ZCWPW2: variants seen among roughly 807,000 people sequenced by gnomAD.
ZCWPW2 encodes the protein zinc finger CW-type PWWP domain protein 2.
A neutral mutation model predicts 46.6 loss-of-function variants in ZCWPW2; 45 were observed. The observed-to-expected ratio is 0.96, with a 90% CI of 0.76 to 1.24. ZCWPW2 has a LOEUF of 1.24. ZCWPW2 is among the 50% of genes most tolerant of loss of function. ZCWPW2 has a pLI of 0.00. For missense variants in ZCWPW2, 429 were observed against 403.9 expected (o/e 1.06, Z -0.53); for synonymous variants, 152 against 137.1 (o/e 1.11, Z -0.76).
At chr3:28,395,687 T>C (rs1487901905) in intron 2 of ZCWPW2, among the ~76,000 whole-genome samples, 1 of 152,112 alleles carries the variant, frequency 6.6e-6, no homozygotes, top group East Asian at 1.9e-4. Context: ...CCAATTATAT[T>C]TAGAATTTGA....
chr3:28,372,956 C>A (rs1270868056), intron 1 of ZCWPW2, among the ~76,000 whole-genome samples: 1 of 152,132 alleles, frequency 6.6e-6, no homozygotes, highest in African/African-American at 2.4e-5. Flanking sequence ...TGATTGCATT[C>A]ATTTTTTCTG....
At position 28,504,983 on chromosome 3, in the gene ZCWPW2, ATAAAT is replaced by A. The variant is rs1288658878; in HGVS notation, c.658-9075_658-9071del. On this transcript the variant is annotated intron_variant, in intron 6 of 9. Coordinates refer to ENST00000383768, the MANE Select transcript of ZCWPW2 (RefSeq NM_001040432.4). ...ATATATAGTCAAAGACCGCTAAAAA[ATAAAT>A]TAAATGTAAGGCTTTAAAAATTATT... 4.6e-5 allele frequency among the ~76,000 whole-genome samples: 7 copies of A among 152,332 alleles called. No homozygotes were observed. The East Asian group carries it at 1.3e-3, about 29-fold the overall frequency.
intron 1 of ZCWPW2, among the ~76,000 whole-genome samples, chr3:28,360,934 A>G (rs1390804956): frequency 6.6e-6 from 1 of 152,192 alleles, no homozygotes; most frequent in Non-Finnish European, 1.5e-5. Context: ...TAAAGGGCCC[A>G]GGAAAGTTAT....
chr3:28,502,735 T>C (rs2125825701), intron 6 of ZCWPW2, among the ~76,000 whole-genome samples: 1 of 152,260 alleles, frequency 6.6e-6, no homozygotes, highest in African/African-American at 2.4e-5. Context: ...CTGCTTATTG[T>C]CGCTAGGGTT....
intron 6 of ZCWPW2, among the ~76,000 whole-genome samples, chr3:28,492,975 G>C (rs1262351966): frequency 6.6e-6 from 1 of 151,852 alleles, no homozygotes; most frequent in Non-Finnish European, 1.5e-5. Context: ...ATCTATAGAT[G>C]ATTAGGCAAA....
intron 6 of ZCWPW2, among the ~76,000 whole-genome samples, chr3:28,501,491 C>T (rs547775047): frequency 4.6e-5 from 7 of 152,110 alleles, no homozygotes; most frequent in African/African-American, 9.7e-5. Context: ...TCCACAACGA[C>T]GACCTCCTAT....
At chr3:28,387,026 T>C (rs1438439469) in intron 1 of ZCWPW2, among the ~76,000 whole-genome samples, 1 of 152,218 alleles carries the variant, frequency 6.6e-6, no homozygotes, top group Non-Finnish European at 1.5e-5. Flanking sequence ...CCGAAGGTCC[T>C]GTTTTCCCCC....
chr3:28,356,896 C>G (rs907001783), intron 1 of ZCWPW2, among the ~76,000 whole-genome samples: 1 of 151,784 alleles, frequency 6.6e-6, no homozygotes, highest in African/African-American at 2.4e-5. Context: ...GGAGATATAC[C>G]TAATATAAAT....
intron 2 of ZCWPW2, among the ~76,000 whole-genome samples, chr3:28,395,353 C>T (rs1392589780): frequency 6.6e-6 from 1 of 152,020 alleles, no homozygotes; most frequent in East Asian, 1.9e-4. Flanking sequence ...TATGGAGTTT[C>T]CCCAAAAAGT....
At chr3:28,382,711 T>C (rs1695147881) in intron 1 of ZCWPW2, among the ~76,000 whole-genome samples, 1 of 152,184 alleles carries the variant, frequency 6.6e-6, no homozygotes, top group African/African-American at 2.4e-5. Context: ...TTTAAGATAC[T>C]GAGTCTTTGA....
chr3:28,462,114 C>T (rs1363095689), intron 4 of ZCWPW2, among the ~76,000 whole-genome samples: 2 of 151,990 alleles, frequency 1.3e-5, no homozygotes, highest in Non-Finnish European at 2.9e-5. Flanking sequence ...GATCTGAGTT[C>T]CTTGAGGGTG....
chr3:28,390,197 T>A (rs544824171), intron 1 of ZCWPW2, among the ~76,000 whole-genome samples: 1 of 152,282 alleles, frequency 6.6e-6, no homozygotes, highest in East Asian at 1.9e-4. Flanking sequence ...AGAGTAAAAG[T>A]GCGGATGTGA....
intron 3 of ZCWPW2, among the ~76,000 whole-genome samples, chr3:28,416,974 T>G (rs1575110425): frequency 1.3e-5 from 2 of 150,614 alleles, no homozygotes; most frequent in East Asian, 3.9e-4. Flanking sequence ...GGTCTAAAAT[T>G]CTCTTTTTTT....
rs568558212 is a variant in ZCWPW2, at chr3:28,382,590, C to G, written c.-133-7908C>G. 2.6e-5 allele frequency among the ~76,000 whole-genome samples: 4 copies of G among 152,270 alleles called. No individual in the cohort carries two copies. The East Asian group carries it at 5.8e-4, about 22-fold the overall frequency. On this transcript the variant is annotated intron_variant, in intron 1 of 9. Transcript: ENST00000383768. ...TTCTTGCTTTTGTTTTGAATACTTA[C>G]TATTGTGCCAAAGACAATTTATAGA... is the stretch of plus-strand genomic sequence containing the variant.
At chr3:28,388,400 G>A (rs933264662) in intron 1 of ZCWPW2, among the ~76,000 whole-genome samples, 1 of 152,104 alleles carries the variant, frequency 6.6e-6, no homozygotes, top group African/African-American at 2.4e-5. Flanking sequence ...ACTCTAACAA[G>A]ATCGTACTTT....
At chr3:28,386,602 C>G (rs1695282264) in intron 1 of ZCWPW2, among the ~76,000 whole-genome samples, 1 of 151,940 alleles carries the variant, frequency 6.6e-6, no homozygotes, top group East Asian at 1.9e-4. Flanking sequence ...ATTTTGATAG[C>G]CTATCCATTT....
At chr3:28,482,926 C>T (rs1251049447) in intron 5 of ZCWPW2, among the ~76,000 whole-genome samples, 1 of 152,130 alleles carries the variant, frequency 6.6e-6, no homozygotes, top group African/African-American at 2.4e-5. Flanking sequence ...TCTGCAAATA[C>T]TTGCTCCCAA....
intron 4 of ZCWPW2, among the ~76,000 whole-genome samples, chr3:28,435,672 G>A (rs1199288007): frequency 6.6e-6 from 1 of 151,850 alleles, no homozygotes; most frequent in Non-Finnish European, 1.5e-5. Flanking sequence ...GTTTTTAGTA[G>A]AGGCGGGGTT....
At chr3:28,488,944 G>T (rs947320551) in intron 5 of ZCWPW2, among the ~76,000 whole-genome samples, 10 of 152,152 alleles carry the variant, frequency 6.6e-5, no homozygotes, top group African/African-American at 2.2e-4. Context: ...AATTACTACT[G>T]ATCATAATGT....
Sources: allele counts gnomAD v4.1 joint callset (sites outside exome capture counted in the v4.1 genomes callset), GRCh38; gene constraint gnomAD v4.1.1; transcripts MANE v1.5; gene names NCBI Gene and HGNC (gene_info 2026-07-23, HGNC 2026-07-21).